The following SNTB1 variants were observed in gnomAD, a reference collection of about 807,000 sequenced individuals.
SNTB1 encodes beta-1-syntrophin.
Under a neutral mutation model 48.9 loss-of-function variants are expected in SNTB1, and 36 were observed. That is an observed-to-expected ratio of 0.74 (90% CI 0.56 to 0.97). The LOEUF is 0.97. Ranked by LOEUF, SNTB1 falls within the 50% of genes least tolerant of loss-of-function variation. The pLI is 0.00. For missense variants in SNTB1, 786 were observed against 703.4 expected, an observed-to-expected ratio of 1.12 and a Z score of -1.33; for synonymous variants, 299 against 294.6, an observed-to-expected ratio of 1.01 and a Z score of -0.15.
At chr8:120,672,464 G>A (rs1438102210) in intron 2 of SNTB1, among the ~76,000 whole-genome samples, 1 of 152,182 alleles carries the variant, frequency 6.6e-6, no homozygotes, top group Non-Finnish European at 1.5e-5. Flanking sequence ...TGACTTTCAA[G>A]GTCAATCCTG....
intron 1 of SNTB1, among the ~76,000 whole-genome samples, chr8:120,755,171 T>TGA (rs35915373): frequency 9.4e-4 from 87 of 92,930 alleles, no homozygotes; most frequent in Middle Eastern, 0.011. Flanking sequence ...TGTGTGTGTG[T>TGA]GAGAGAGAGA....
intron 2 of SNTB1, among the ~76,000 whole-genome samples, chr8:120,659,607 G>C (rs1817556069): frequency 6.6e-6 from 1 of 152,114 alleles, no homozygotes; most frequent in African/African-American, 2.4e-5. Context: ...TGATATTTAG[G>C]ATGGTATATC....
At position 120,653,857 on chromosome 8, in the gene SNTB1, G is replaced by T. The variant is rs1000469364; in HGVS notation, c.789-21206C>A. ...GATCGAGACCATCCTGGCTAACACGGTGAAACCCCGTCTCTACTAAAAATA... is the reference window on the plus strand; with the variant it reads ...GATCGAGACCATCCTGGCTAACACGTTGAAACCCCGTCTCTACTAAAAATA... On this transcript the variant is annotated intron_variant, in intron 2 of 6. Transcript: ENST00000517992. Among the ~76,000 whole-genome samples, 24 of 151,384 alleles carry T rather than the reference G, an allele frequency of 1.6e-4. 1 individual carries two copies. Among genetic ancestry groups the T allele is most frequent in the Admixed American group, 1.4e-3 (22 of 15,204 alleles).
intron 1 of SNTB1, among the ~76,000 whole-genome samples, chr8:120,777,644 T>A (rs1414881016): frequency 6.6e-6 from 1 of 152,212 alleles, no homozygotes; most frequent in Admixed American, 6.5e-5. Context: ...AAGCATTAAG[T>A]ACTTTGCAAG....
chr8:120,559,751 G>C (rs973513790), intron 4 of SNTB1, among the ~76,000 whole-genome samples: 1 of 152,174 alleles, frequency 6.6e-6, no homozygotes, highest in African/African-American at 2.4e-5. Context: ...TGCATAAAAT[G>C]TTCCATACAA....
chr8:120,644,593 T>C (rs577666189), intron 2 of SNTB1, among the ~76,000 whole-genome samples: 157 of 152,260 alleles, frequency 1.0e-3, no homozygotes, highest in African/African-American at 3.5e-3. Flanking sequence ...TCCAAGTCTT[T>C]GCTATTGTGA....
chr8:120,768,363 A>T (rs1819562648), intron 1 of SNTB1, among the ~76,000 whole-genome samples: 1 of 152,366 alleles, frequency 6.6e-6, no homozygotes, highest in Non-Finnish European at 1.5e-5. Context: ...TAAAGGGGAC[A>T]TTCTAAAGGC....
chr8:120,559,194 A>T (rs1815614383), intron 4 of SNTB1, among the ~76,000 whole-genome samples: 1 of 152,208 alleles, frequency 6.6e-6, no homozygotes, highest in Non-Finnish European at 1.5e-5. Context: ...TAGATGTTTT[A>T]TGAGAACAGC....
intron 1 of SNTB1, among the ~76,000 whole-genome samples, chr8:120,758,711 G>C (rs1819360140): frequency 1.3e-5 from 2 of 152,156 alleles, no homozygotes; most frequent in Non-Finnish European, 2.9e-5. Flanking sequence ...CAGCCAGAGA[G>C]ACTCAAGGAC....
intron 2 of SNTB1, among the ~76,000 whole-genome samples, chr8:120,642,931 A>T (rs1419269631): frequency 6.6e-6 from 1 of 152,130 alleles, no homozygotes; most frequent in East Asian, 1.9e-4. Context: ...AAACAAAACA[A>T]AACAAAATTC....
intron 1 of SNTB1, among the ~76,000 whole-genome samples, chr8:120,726,074 A>G (rs898561356): frequency 2.6e-5 from 4 of 152,134 alleles, no homozygotes; most frequent in Admixed American, 2.0e-4. Flanking sequence ...TCCCACCTCA[A>G]TGAGGATTTC....
At chr8:120,641,952 C>T (rs1487499113) in intron 2 of SNTB1, among the ~76,000 whole-genome samples, 1 of 152,014 alleles carries the variant, frequency 6.6e-6, no homozygotes, top group Non-Finnish European at 1.5e-5. Flanking sequence ...AGTTGAAATA[C>T]CAGGTCCCAT....
chr8:120,648,956 C>T (rs1365404675), intron 2 of SNTB1, among the ~76,000 whole-genome samples: 2 of 151,152 alleles, frequency 1.3e-5, no homozygotes, highest in Admixed American at 6.6e-5. Context: ...CAGTTGATCG[C>T]ATCGGCTCCT....
At chr8:120,575,923 T>C (rs1309487572) in intron 3 of SNTB1, among the ~76,000 whole-genome samples, 1 of 152,222 alleles carries the variant, frequency 6.6e-6, no homozygotes, top group Non-Finnish European at 1.5e-5. Context: ...TCAGCTCTTA[T>C]CTCATGAGCC....
intron 1 of SNTB1, among the ~76,000 whole-genome samples, chr8:120,743,289 G>C (rs1053924219): frequency 6.6e-6 from 1 of 152,192 alleles, no homozygotes; most frequent in Non-Finnish European, 1.5e-5. Context: ...TTGGATGACT[G>C]TGTTTTATTA....
chr8:120,667,179 G>A (rs1371549757), intron 2 of SNTB1, among the ~76,000 whole-genome samples: 2 of 31,040 alleles, frequency 6.4e-5, no homozygotes, highest in Non-Finnish European at 1.7e-4. Flanking sequence ...TCACTGCAGC[G>A]GCACCATCAT....
chr8:120,766,973 G>GT (rs1172570634), intron 1 of SNTB1, among the ~76,000 whole-genome samples: 1 of 151,768 alleles, frequency 6.6e-6, no homozygotes, highest in Non-Finnish European at 1.5e-5. Context: ...TTATCCCAGA[G>GT]TTTTTTTCAC....
chr8:120,657,299 C>A (rs1817518019), intron 2 of SNTB1, among the ~76,000 whole-genome samples: 1 of 152,168 alleles, frequency 6.6e-6, no homozygotes, highest in African/African-American at 2.4e-5. Flanking sequence ...TTCAGAAGAG[C>A]TAGCCAGACT....
At chr8:120,617,284 A>G (rs919335140) in intron 3 of SNTB1, among the ~76,000 whole-genome samples, 6 of 152,114 alleles carry the variant, frequency 3.9e-5, no homozygotes, top group Non-Finnish European at 7.4e-5. Context: ...TAAAGCCCCA[A>G]GCAAATATTT....
Sources: allele counts gnomAD v4.1 joint callset (sites outside exome capture counted in the v4.1 genomes callset), GRCh38; gene constraint gnomAD v4.1.1; transcripts MANE v1.5; gene names NCBI Gene and HGNC (gene_info 2026-07-23, HGNC 2026-07-21).